SORCS2: variants seen among roughly 807,000 people sequenced by gnomAD.
SORCS2 encodes sortilin related VPS10 domain containing receptor 2, also known as VPS10 domain-containing receptor SorCS2.
In SORCS2, 100 loss-of-function variants were observed where a neutral mutation model predicts 141.6. The observed-to-expected ratio is 0.71, with a 90% CI of 0.60 to 0.83. The LOEUF is 0.83. Among genes scored for constraint, SORCS2 ranks in the 40% least tolerant of loss-of-function variants. The probability of loss-of-function intolerance (pLI) is 0.00; values close to 1 mark genes in which losing one functional copy is unlikely to be tolerated. For synonymous variants in SORCS2, 789 were observed against 676.9 expected, an observed-to-expected ratio of 1.17 and a Z score of -2.57; for missense variants, 1,646 against 1,560.2, an observed-to-expected ratio of 1.05 and a Z score of -0.93.
chr4:7,365,630 GC>G (rs1367141805), intron 1 of SORCS2, among the ~76,000 whole-genome samples: 2 of 152,160 alleles, frequency 1.3e-5, no homozygotes, highest in African/African-American at 4.8e-5. Context: ...AAGAGACACC[GC>G]CCGCCTGCCC....
intron 10 of SORCS2, among the ~76,000 whole-genome samples, chr4:7,687,658 A>G (rs961197956): frequency 6.6e-6 from 1 of 152,096 alleles, no homozygotes; most frequent in Non-Finnish European, 1.5e-5. Context: ...TGCGTCTGCA[A>G]TGGACACAGG....
chr4:7,605,211 G>A, intron 3 of SORCS2, among the ~76,000 whole-genome samples: 1 of 152,198 alleles, frequency 6.6e-6, no homozygotes, highest in Admixed American at 6.5e-5. Flanking sequence ...GCATATCCCA[G>A]TCGTTGGAAA....
chr4:7,679,492 G>A (rs1723378050), intron 9 of SORCS2, among the ~76,000 whole-genome samples: 2 of 152,050 alleles, frequency 1.3e-5, no homozygotes, highest in South Asian at 2.1e-4. Flanking sequence ...TATTATCCAA[G>A]GGACTCTAAA....
chr4:7,618,669 A>T (rs1161596657), intron 3 of SORCS2, among the ~76,000 whole-genome samples: 3 of 152,010 alleles, frequency 2.0e-5, no homozygotes, highest in African/African-American at 7.3e-5. Flanking sequence ...TGTGCCTAGG[A>T]GGCTTTTCTG....
intron 17 of SORCS2, among the ~76,000 whole-genome samples, chr4:7,717,427 C>T (rs948274883): frequency 1.1e-4 from 16 of 152,350 alleles, no homozygotes; most frequent in East Asian, 3.9e-4. Flanking sequence ...GGGCTGCATG[C>T]GATCACCCCC....
At position 7,297,224 on chromosome 4, in the gene SORCS2, C is replaced by G. The variant is rs368518243; in HGVS notation, c.481-99064C>G. 4.6e-5 allele frequency among the ~76,000 whole-genome samples: 7 copies of G among 152,288 alleles called. No individual in the cohort carries two copies. In the East Asian group the frequency reaches 1.4e-3, roughly 30 times the overall value. The stretch of plus-strand genomic sequence containing the variant: ...AGGCCAGAGGCCCTGTCTGAGTCAC[C>G]CCGGCACTCCCAGCTCGGGGTTCCA... On this transcript the variant is annotated intron_variant, in intron 1 of 26. Transcript: ENST00000507866.
chr4:7,587,314 G>A (rs918944978), intron 3 of SORCS2, among the ~76,000 whole-genome samples: 1 of 152,208 alleles, frequency 6.6e-6, no homozygotes, highest in Non-Finnish European at 1.5e-5. Flanking sequence ...GCAGCTCTGT[G>A]ATGTTGGCTG....
intron 12 of SORCS2, among the ~76,000 whole-genome samples, chr4:7,699,640 G>T (rs1331325565): frequency 6.6e-6 from 1 of 152,166 alleles, no homozygotes; most frequent in Non-Finnish European, 1.5e-5. Context: ...CAGGGAAGGG[G>T]GCTGCAGCCA....
intron 3 of SORCS2, among the ~76,000 whole-genome samples, chr4:7,555,817 C>T (rs1714063138): frequency 1.3e-5 from 2 of 152,126 alleles, no homozygotes; most frequent in Non-Finnish European, 2.9e-5. Context: ...GGAGCAGGTG[C>T]AAAGGTCCTG....
intron 2 of SORCS2, among the ~76,000 whole-genome samples, chr4:7,464,902 C>T (rs1278278270): frequency 6.6e-6 from 1 of 152,242 alleles, no homozygotes; most frequent in Non-Finnish European, 1.5e-5. Flanking sequence ...AAAGCCGGCG[C>T]CTCCGGCCAT....
rs1301042586 is a variant in SORCS2 at position 7,657,427 on chromosome 4, AG to A, written c.887+3221del. 3.3e-5 allele frequency among the ~76,000 whole-genome samples: 5 copies of A among 152,166 alleles called. No homozygotes were observed. The East Asian group carries it at 9.6e-4, about 29-fold the overall frequency. ...GTGTGATTGAGTGAGGGAATGAACG[AG>A]TGAATGACTGAGTGGTGAGTTAGGT... On this transcript the variant is annotated intron_variant, in intron 5 of 26. Coordinates refer to ENST00000507866, the MANE Select transcript of SORCS2 (RefSeq NM_020777.3).
chr4:7,254,537 T>C (rs900333040), intron 1 of SORCS2, among the ~76,000 whole-genome samples: 6 of 152,166 alleles, frequency 3.9e-5, no homozygotes, highest in Admixed American at 2.6e-4. Flanking sequence ...AGGAGCATGA[T>C]GACAAGTTGG....
intron 5 of SORCS2, among the ~76,000 whole-genome samples, chr4:7,655,684 A>G (rs963408129): frequency 6.6e-6 from 1 of 152,246 alleles, no homozygotes; most frequent in Non-Finnish European, 1.5e-5. Context: ...GAGCACAGCC[A>G]TCCATCACTG....
chr4:7,212,498 C>T (rs191456865), intron 1 of SORCS2, among the ~76,000 whole-genome samples: 24 of 152,322 alleles, frequency 1.6e-4, no homozygotes, highest in African/African-American at 4.6e-4. Context: ...TGGCTCTAGG[C>T]GTTCTAACAT....
rs191201750 is a variant in SORCS2 at position 7,526,270 on chromosome 4, C to T, written c.549-5260C>T. On this transcript the variant is annotated intron_variant, in intron 2 of 26. Coordinates refer to ENST00000507866, the MANE Select transcript of SORCS2 (RefSeq NM_020777.3). ...CATCGCCTTGGCACGTTGTCCAGAC[C>T]GGCGTGTCCCTTAGGAATAGAATCG... 1.7e-3 allele frequency among the ~76,000 whole-genome samples: 258 copies of T among 152,346 alleles called. 1 individual carries two copies. Among genetic ancestry groups the T allele is most frequent in the African/African-American group, 5.7e-3 (238 of 41,580 alleles).
At chr4:7,546,925 A>C (rs1049910066) in intron 3 of SORCS2, among the ~76,000 whole-genome samples, 7 of 152,194 alleles carry the variant, frequency 4.6e-5, no homozygotes, top group Non-Finnish European at 1.0e-4. Context: ...ATTGCCTGGT[A>C]AAAATAGCTT....
At chr4:7,681,831 GCCTTTGGGCAGGTTGCACCC>G (rs1290615986) in intron 9 of SORCS2, among the ~76,000 whole-genome samples, 1 of 152,178 alleles carries the variant, frequency 6.6e-6, no homozygotes, top group Non-Finnish European at 1.5e-5. Flanking sequence ...TTGGTTATGG[GCCTTTGGGCAGGTTGCACCC>G]CCTCTGAGCC....
chr4:7,349,419 G>A (rs1720816498), intron 1 of SORCS2, among the ~76,000 whole-genome samples: 1 of 152,186 alleles, frequency 6.6e-6, no homozygotes, highest in African/African-American at 2.4e-5. Context: ...CAGGGCCAGT[G>A]GGGTGGGTGT....
intron 1 of SORCS2, among the ~76,000 whole-genome samples, chr4:7,221,338 C>G (rs886236241): frequency 6.6e-6 from 1 of 152,196 alleles, no homozygotes; most frequent in Non-Finnish European, 1.5e-5. Context: ...ACGGGTGGAC[C>G]CAGTGTCTGT....
Sources: allele counts gnomAD v4.1 joint callset (sites outside exome capture counted in the v4.1 genomes callset), GRCh38; gene constraint gnomAD v4.1.1; transcripts MANE v1.5; gene names NCBI Gene and HGNC (gene_info 2026-07-23, HGNC 2026-07-21).